GLG1: variants seen among roughly 807,000 people sequenced by gnomAD.
The protein encoded by GLG1 is Golgi apparatus protein 1.
GLG1 carries 38 observed loss-of-function variants against 160.5 expected under a neutral mutation model. The observed-to-expected ratio is 0.24, with a 90% CI of 0.18 to 0.31. The LOEUF is 0.31. Ranked by LOEUF, GLG1 falls within the 10% of genes least tolerant of loss-of-function variation. The pLI, the probability that GLG1 is intolerant of heterozygous loss-of-function variation, is 1.00. For missense variants in GLG1, 1,373 were observed against 1,505.2 expected (o/e 0.91, Z 1.45); for synonymous variants, 644 against 543.4 (o/e 1.19, Z -2.57).
At chr16:74,523,442 T>A (rs1223269603) in intron 2 of GLG1, among the ~76,000 whole-genome samples, 1 of 152,148 alleles carries the variant, frequency 6.6e-6, no homozygotes, top group African/African-American at 2.4e-5. Flanking sequence ...TACTCTGTGT[T>A]TCCACATAAA....
intron 2 of GLG1, among the ~76,000 whole-genome samples, chr16:74,522,515 T>A (rs1284035740): frequency 6.6e-6 from 1 of 152,244 alleles, no homozygotes; most frequent in Admixed American, 6.5e-5. Flanking sequence ...GACGTCATCT[T>A]TGAGACATGG....
intron 2 of GLG1, among the ~76,000 whole-genome samples, chr16:74,517,282 T>C (rs540583194): frequency 6.6e-6 from 1 of 152,234 alleles, no homozygotes; most frequent in Non-Finnish European, 1.5e-5. Flanking sequence ...CTGATCAACA[T>C]CTAGCTGAAA....
At chr16:74,559,523 A>ATT (rs941738110) in intron 1 of GLG1, among the ~76,000 whole-genome samples, 1 of 152,112 alleles carries the variant, frequency 6.6e-6, no homozygotes, top group African/African-American at 2.4e-5. Context: ...AAATAAAAAT[A>ATT]TAACTCTTCC....
At chr16:74,457,770 T>C (rs1336979991) in intron 24 of GLG1, 104 bp downstream of exon 24, 8 of 1,061,520 alleles carry the variant, frequency 7.5e-6, no homozygotes, top group Non-Finnish European at 8.3e-6. Context: ...GGGCTACAAC[T>C]ACAGACCATA....
intron 20 of GLG1, chr16:74,462,925 C>T: frequency 4.4e-6 from 2 of 456,464 alleles, no homozygotes; most frequent in Non-Finnish European, 7.8e-6. Context: ...GCAACCTTCC[C>T]CATAACAGAC....
At chr16:74,513,239 T>C (rs1392540833) in intron 2 of GLG1, among the ~76,000 whole-genome samples, 2 of 152,108 alleles carry the variant, frequency 1.3e-5, no homozygotes, top group Non-Finnish European at 2.9e-5. Flanking sequence ...CAAGAACTTA[T>C]TTGAATGAAA....
chr16:74,499,952 G>A (rs1041930718), intron 4 of GLG1, among the ~76,000 whole-genome samples: 5 of 152,248 alleles, frequency 3.3e-5, no homozygotes, highest in East Asian at 3.9e-4. Context: ...GCAGTGAGCC[G>A]AGATTGTGCC....
chr16:74,572,833 A>T (rs971904188), intron 1 of GLG1, among the ~76,000 whole-genome samples: 11 of 152,174 alleles, frequency 7.2e-5, no homozygotes, highest in Non-Finnish European at 1.3e-4. Context: ...AATTTATAGC[A>T]GGTTGGTCAG....
At chr16:74,574,635 C>A (rs1244282240) in intron 1 of GLG1, among the ~76,000 whole-genome samples, 1 of 151,896 alleles carries the variant, frequency 6.6e-6, no homozygotes, top group East Asian at 1.9e-4. Flanking sequence ...GTAACCCCAG[C>A]ACTTCGGGAG....
rs377537936 is a variant in GLG1, at chr16:74,452,047, G to A, written c.*1120C>T. The A allele has an allele frequency of 6.9e-6, 11 of 1,601,424 alleles. No homozygotes were observed. The highest frequency in any genetic ancestry group is 1.3e-5 in the African/African-American group (1 of 74,668). ...TGTCTGGGAAGTTTGTCTGGAGTGT[G>A]CAGAAAGGTCAGGCTGGACTGCCTG... On this transcript the variant is annotated 3_prime_UTR_variant, in exon 26 of 26. Transcript: ENST00000422840.
intron 10 of GLG1, among the ~76,000 whole-genome samples, chr16:74,481,128 AATCCT>A (rs1158895270): frequency 1.3e-5 from 2 of 152,248 alleles, no homozygotes; most frequent in Non-Finnish European, 2.9e-5. Flanking sequence ...AATGAAGTTC[AATCCT>A]ATGTAATGTA....
At chr16:74,602,287 CAAGA>C (rs1958455649) in intron 1 of GLG1, among the ~76,000 whole-genome samples, 1 of 151,982 alleles carries the variant, frequency 6.6e-6, no homozygotes, top group South Asian at 2.1e-4. Flanking sequence ...GAAAAGGTGG[CAAGA>C]AAGAATTTTT....
At chr16:74,513,450 C>G (rs964750578) in intron 2 of GLG1, among the ~76,000 whole-genome samples, 3 of 152,088 alleles carry the variant, frequency 2.0e-5, no homozygotes, top group Non-Finnish European at 4.4e-5. Flanking sequence ...GAGGAAGAAT[C>G]AGGCAGCAAT....
At chr16:74,596,072 C>G (rs1334016201) in intron 1 of GLG1, among the ~76,000 whole-genome samples, 1 of 151,658 alleles carries the variant, frequency 6.6e-6, no homozygotes, top group Non-Finnish European at 1.5e-5. Flanking sequence ...GCCCCTTATA[C>G]GTGAAAGTGG....
chr16:74,496,673 A>C (rs2016199795), intron 4 of GLG1, 29 bp from the exon 5 acceptor site: 3 of 1,463,526 alleles, frequency 2.0e-6, no homozygotes, highest in African/African-American at 1.4e-5. Flanking sequence ...TAATATTTTA[A>C]AACTTTTATC....
rs996929780 is a variant in GLG1, at chr16:74,536,300, C to G, written c.439-4147G>C. ...GATGAATAGCATGAGGAATAACACC[C>G]ATAATTACTAAAATAAGATAAAACT... On this transcript the variant is annotated intron_variant, in intron 1 of 25. Coordinates refer to ENST00000422840, the MANE Select transcript of GLG1 (RefSeq NM_001145667.2). Among the ~76,000 whole-genome samples, 24 of 152,278 alleles carry G rather than the reference C, an allele frequency of 1.6e-4. No homozygotes were observed. In the Middle Eastern group the frequency reaches 0.014, roughly 86 times the overall value.
intron 25 of GLG1, among the ~76,000 whole-genome samples, chr16:74,455,412 CAAT>C (rs1304008561): frequency 6.6e-6 from 1 of 152,184 alleles, no homozygotes; most frequent in Non-Finnish European, 1.5e-5. Context: ...CACTCTGAAG[CAAT>C]AATACACAGC....
chr16:74,548,960 C>A (rs1400572829), intron 1 of GLG1, among the ~76,000 whole-genome samples: 12 of 152,046 alleles, frequency 7.9e-5, no homozygotes, highest in Admixed American at 7.2e-4. Flanking sequence ...CACCTCACTG[C>A]ACTCCAGCCA....
intron 2 of GLG1, among the ~76,000 whole-genome samples, chr16:74,523,676 T>G (rs1180438522): frequency 6.6e-6 from 1 of 152,078 alleles, no homozygotes; most frequent in Non-Finnish European, 1.5e-5. Context: ...CTTAAGTATT[T>G]GATGCTTTAC....
Sources: allele counts gnomAD v4.1 joint callset (sites outside exome capture counted in the v4.1 genomes callset), GRCh38; gene constraint gnomAD v4.1.1; transcripts MANE v1.5; gene names NCBI Gene and HGNC (gene_info 2026-07-23, HGNC 2026-07-21).